Variants in ZNF536 observed in about 807,000 individuals in gnomAD.
ZNF536 encodes the protein zinc finger protein 536.
In ZNF536, 13 loss-of-function variants were observed where a neutral mutation model predicts 84.5. The ratio of observed to expected loss-of-function variants is 0.15; its 90% CI spans 0.10 to 0.24. The LOEUF is 0.24. ZNF536 is among the 10% of genes least tolerant of loss of function. The pLI is 1.00. For synonymous variants in ZNF536, 811 were observed against 742.5 expected, an observed-to-expected ratio of 1.09 and a Z score of -1.50; for missense variants, 1,536 against 1,747.5, an observed-to-expected ratio of 0.88 and a Z score of 2.16.
Position 30,384,161 on chromosome 19 carries a change from T to TTTCTTTCTTTCTTTCG in ZNF536, c.-3+11608_-3+11609insTTTCTTTCTTTCGTTC, listed in dbSNP as rs1221612484. Among the ~76,000 whole-genome samples, 2 of 115,128 alleles carry TTTCTTTCTTTCTTTCG rather than the reference T, an allele frequency of 1.7e-5. 1 individual carries two copies. The highest frequency in any genetic ancestry group is 7.1e-5 in the African/African-American group (2 of 28,156). 75.5% of individuals were successfully genotyped at this position (115,128 alleles called of 152,430 possible). On this transcript the variant is annotated intron_variant, in intron 1 of 4. Coordinates refer to ENST00000355537, the MANE Select transcript of ZNF536 (RefSeq NM_014717.3). The stretch of plus-strand genomic sequence containing the variant: ...CTTTCTTTCTTTCTTTCTTTCTTTC[T>TTTCTTTCTTTCTTTCG]TTCGTTTCCTTCTTTCTTTCTTTCT...
intron 1 of ZNF536, among the ~76,000 whole-genome samples, chr19:30,589,120 C>T (rs528427757): frequency 9.9e-5 from 15 of 152,244 alleles, no homozygotes; most frequent in Admixed American, 2.0e-4. Context: ...TAGGAAGGAA[C>T]CTCCTATTAA....
At chr19:30,392,477 C>T (rs758501708) in intron 1 of ZNF536, among the ~76,000 whole-genome samples, 21 of 152,250 alleles carry the variant, frequency 1.4e-4, no homozygotes, top group Admixed American at 1.3e-3. Context: ...CACCACCGCC[C>T]GGCAGCAATT....
chr19:30,530,655 T>C (rs1214605880), intron 2 of ZNF536, among the ~76,000 whole-genome samples: 1 of 152,168 alleles, frequency 6.6e-6, no homozygotes, highest in East Asian at 1.9e-4. Flanking sequence ...CCAATACCTC[T>C]GTCTTTCTAC....
At chr19:30,489,337 T>C (rs2054418099) in intron 2 of ZNF536, among the ~76,000 whole-genome samples, 2 of 152,160 alleles carry the variant, frequency 1.3e-5, no homozygotes, top group African/African-American at 4.8e-5. Context: ...CCCAACACTT[T>C]GGGAGGCCGA....
intron 3 of ZNF536, among the ~76,000 whole-genome samples, chr19:30,536,215 C>T (rs2045073115): frequency 6.6e-6 from 1 of 152,196 alleles, no homozygotes; most frequent in South Asian, 2.1e-4. Flanking sequence ...CTTTCTGAAA[C>T]ACCACCTGCA....
At chr19:30,413,261 A>G (rs1407236469) in intron 1 of ZNF536, among the ~76,000 whole-genome samples, 1 of 152,086 alleles carries the variant, frequency 6.6e-6, no homozygotes, top group East Asian at 1.9e-4. Context: ...TACTTTCATC[A>G]GGTGTATTTT....
chr19:30,452,030 C>T (rs1208170604), intron 2 of ZNF536, among the ~76,000 whole-genome samples: 3 of 152,186 alleles, frequency 2.0e-5, no homozygotes, highest in Non-Finnish European at 4.4e-5. Flanking sequence ...TTGACCACCA[C>T]CTTGGGTGTG....
intron 2 of ZNF536, among the ~76,000 whole-genome samples, chr19:30,504,925 A>T (rs1599617765): frequency 1.3e-5 from 2 of 152,078 alleles, no homozygotes; most frequent in African/African-American, 2.4e-5. Context: ...CCATATGCAG[A>T]TGAAAATATT....
At chr19:30,419,293 T>C (rs1372090651) in intron 1 of ZNF536, among the ~76,000 whole-genome samples, 1 of 152,202 alleles carries the variant, frequency 6.6e-6, no homozygotes, top group Non-Finnish European at 1.5e-5. Flanking sequence ...TGTCTGAGTG[T>C]TTTTCTCACT....
intron 1 of ZNF536, among the ~76,000 whole-genome samples, chr19:30,404,800 C>T (rs2050199597): frequency 6.6e-6 from 1 of 152,108 alleles, no homozygotes; most frequent in South Asian, 2.1e-4. Flanking sequence ...ATTCTGCCAC[C>T]ATCTACCCAG....
intron 1 of ZNF536, among the ~76,000 whole-genome samples, chr19:30,408,971 A>ATTAT (rs1555747734): frequency 6.7e-6 from 1 of 149,562 alleles, no homozygotes; most frequent in Admixed American, 6.7e-5. Context: ...CCACAAATCC[A>ATTAT]TCATTCATTC....
At chr19:30,348,700 G>A (rs1481246832) in intron 2 of ZNF536, among the ~76,000 whole-genome samples, 1 of 152,182 alleles carries the variant, frequency 6.6e-6, no homozygotes, top group African/African-American at 2.4e-5. Flanking sequence ...AGCAGGGCAG[G>A]AGCTGCAGTG....
At chr19:30,383,637 TCTTC>T (rs1334962906) in intron 1 of ZNF536, among the ~76,000 whole-genome samples, 14 of 54,472 alleles carry the variant, frequency 2.6e-4, no homozygotes, top group Admixed American at 4.5e-4. Flanking sequence ...TTTCTTCCTT[TCTTC>T]CTTCCTTTCT....
intron 2 of ZNF536, among the ~76,000 whole-genome samples, chr19:30,351,777 A>G (rs1191796615): frequency 2.6e-5 from 4 of 152,252 alleles, no homozygotes; most frequent in Admixed American, 2.6e-4. Flanking sequence ...ACAGATGATT[A>G]GAGTGGTAAC....
rs556835599 is a variant in ZNF536 at position 30,617,333 on chromosome 19, C to CTTTTTTTTTTTTTTTTTTTTTTTTTT, written c.169+67827_169+67852dup. Among the ~76,000 whole-genome samples, 11 of 37,710 alleles carry CTTTTTTTTTTTTTTTTTTTTTTTTTT rather than the reference C, an allele frequency of 2.9e-4. 4 individuals carry two copies. The highest frequency in any genetic ancestry group is 5.3e-4 in the Non-Finnish European group (9 of 16,966). The allele number at this position is 37,710 out of a possible 152,430, so 24.7% of individuals were successfully genotyped here. On this transcript the variant is annotated intron_variant, in intron 1 of 1. Transcript: ENST00000592773. ...GAGTCCACCATATCTGAATAGCTTA[C>CTTTTTTTTTTTTTTTTTTTTTTTTTT]TTTTTTTTTTTTTTTTTTTTTTTTT... is the stretch of plus-strand genomic sequence containing the variant.
At chr19:30,680,965 T>A in intron 1 of ZNF536, among the ~76,000 whole-genome samples, 1 of 152,162 alleles carries the variant, frequency 6.6e-6, no homozygotes, top group Non-Finnish European at 1.5e-5. Flanking sequence ...TGAGATGGTA[T>A]CTCATTGTGG....
chr19:30,369,974 G>T (rs1282230056), upstream of ZNF536, among the ~76,000 whole-genome samples: 1 of 152,142 alleles, frequency 6.6e-6, no homozygotes, highest in East Asian at 1.9e-4. Flanking sequence ...CACAGTGGGG[G>T]GATGGCCATC....
At chr19:30,569,727 C>T (rs1195350662) in intron 1 of ZNF536, among the ~76,000 whole-genome samples, 3 of 151,744 alleles carry the variant, frequency 2.0e-5, no homozygotes, top group Non-Finnish European at 4.4e-5. Context: ...TGCACCACCA[C>T]GCCTGGCTAA....
At chr19:30,675,465 A>T (rs181558490) in intron 1 of ZNF536, among the ~76,000 whole-genome samples, 1 of 152,316 alleles carries the variant, frequency 6.6e-6, no homozygotes, top group South Asian at 2.1e-4. Context: ...TCCTACTCTC[A>T]GGGCAACTTT....
Sources: allele counts gnomAD v4.1 joint callset (sites outside exome capture counted in the v4.1 genomes callset), GRCh38; gene constraint gnomAD v4.1.1; transcripts MANE v1.5; gene names NCBI Gene and HGNC (gene_info 2026-07-23, HGNC 2026-07-21).